UST: variants seen among roughly 807,000 people sequenced by gnomAD.
UST encodes the protein chondroitin sulfate 2-O-sulfotransferase.
A neutral mutation model predicts 45.6 loss-of-function variants in UST; 21 were observed. The observed-to-expected ratio is 0.46, with a 90% CI of 0.33 to 0.66. The LOEUF (loss-of-function observed/expected upper bound fraction) is 0.66, where lower values mean the gene tolerates loss of function less well. Ranked by LOEUF, UST falls within the 30% of genes least tolerant of loss-of-function variation. The pLI, the probability that UST is intolerant of heterozygous loss-of-function variation, is 0.02. For synonymous variants in UST, 215 were observed against 200.6 expected, an observed-to-expected ratio of 1.07 and a Z score of -0.61; for missense variants, 463 against 512.4, an observed-to-expected ratio of 0.90 and a Z score of 0.93.
intron 5 of UST, among the ~76,000 whole-genome samples, chr6:148,969,950 A>G (rs1461325128): frequency 6.6e-6 from 1 of 152,244 alleles, no homozygotes; most frequent in Non-Finnish European, 1.5e-5. Context: ...TTGGAAAGTC[A>G]TATACACGCG....
At chr6:148,800,213 T>G (rs968680199) in intron 1 of UST, among the ~76,000 whole-genome samples, 6 of 152,138 alleles carry the variant, frequency 3.9e-5, no homozygotes, top group African/African-American at 1.2e-4. Context: ...CCTCACTGGG[T>G]TTTTAAATCT....
intron 3 of UST, among the ~76,000 whole-genome samples, chr6:148,953,456 C>T (rs1030130071): frequency 2.0e-5 from 3 of 152,072 alleles, no homozygotes; most frequent in Non-Finnish European, 2.9e-5. Context: ...GCACTTATAC[C>T]GCTGGTCCAC....
At chr6:149,017,012 C>CG (rs1451406741) in intron 5 of UST, among the ~76,000 whole-genome samples, 3 of 152,348 alleles carry the variant, frequency 2.0e-5, no homozygotes, top group African/African-American at 7.2e-5. Flanking sequence ...CAAGGCAAAG[C>CG]ACAGGCACCC....
intron 7 of UST, among the ~76,000 whole-genome samples, chr6:149,023,101 GGTGTGTGTGTGTGT>G (rs61544082): frequency 0.072 from 10,352 of 143,424 alleles, 454 homozygotes; most frequent in South Asian, 0.11. Context: ...CTTGTTCTAT[GGTGTGTGTGTGTGT>G]GTGTGTGTGT....
At chr6:148,784,220 A>G (rs751375757) in intron 1 of UST, among the ~76,000 whole-genome samples, 1 of 152,218 alleles carries the variant, frequency 6.6e-6, no homozygotes, top group Non-Finnish European at 1.5e-5. Context: ...ATGAAAAAAT[A>G]TATTAAATTT....
At chr6:148,978,615 T>G (rs945280147) in intron 5 of UST, among the ~76,000 whole-genome samples, 1 of 151,626 alleles carries the variant, frequency 6.6e-6, no homozygotes, top group Non-Finnish European at 1.5e-5. Context: ...AAGTGGGAGT[T>G]GAACAATGAG....
At chr6:149,064,175 C>G (rs1306792527) in intron 7 of UST, among the ~76,000 whole-genome samples, 1 of 152,160 alleles carries the variant, frequency 6.6e-6, no homozygotes, top group Non-Finnish European at 1.5e-5. Flanking sequence ...TCTCTGCCCC[C>G]ATGGTGACAA....
chr6:149,049,028 T>C (rs182799039), intron 7 of UST, among the ~76,000 whole-genome samples: 1 of 152,272 alleles, frequency 6.6e-6, no homozygotes, highest in Admixed American at 6.5e-5. Context: ...TGTACCTTGA[T>C]TGTGGTAGTA....
At chr6:148,908,708 A>G (rs1366348724) in intron 2 of UST, among the ~76,000 whole-genome samples, 1 of 152,212 alleles carries the variant, frequency 6.6e-6, no homozygotes, top group Non-Finnish European at 1.5e-5. Context: ...AGTTATGCAG[A>G]CAACATATTT....
intron 1 of UST, among the ~76,000 whole-genome samples, chr6:148,839,205 T>G (rs946626391): frequency 6.6e-6 from 1 of 152,204 alleles, no homozygotes; most frequent in Non-Finnish European, 1.5e-5. Context: ...TAGTGCTAAG[T>G]GCCGTGTATA....
chr6:148,994,921 C>T (rs1296978475), intron 5 of UST, among the ~76,000 whole-genome samples: 1 of 152,184 alleles, frequency 6.6e-6, no homozygotes, highest in Non-Finnish European at 1.5e-5. Flanking sequence ...TGCCTGTTCA[C>T]CCCTTACCTC....
At chr6:149,012,791 CAG>C (rs144612067) in intron 5 of UST, among the ~76,000 whole-genome samples, 127 of 141,624 alleles carry the variant, frequency 9.0e-4, no homozygotes, top group African/African-American at 3.4e-3. Context: ...GTGAGTTAGC[CAG>C]AGTCACTATT....
At chr6:148,972,338 G>C (rs1489512177) in intron 5 of UST, among the ~76,000 whole-genome samples, 1 of 152,150 alleles carries the variant, frequency 6.6e-6, no homozygotes, top group Admixed American at 6.5e-5. Context: ...CAGAAGTAAG[G>C]CTCTGGGGAC....
intron 1 of UST, 58 bp downstream of exon 1, chr6:148,747,735 G>T: frequency 6.7e-7 from 1 of 1,496,940 alleles, no homozygotes; most frequent in South Asian, 1.3e-5. Flanking sequence ...GTGCGGCGGG[G>T]AGAGGGTCGC....
intron 5 of UST, among the ~76,000 whole-genome samples, chr6:149,010,792 C>A (rs1738583735): frequency 6.7e-6 from 1 of 148,272 alleles, no homozygotes; most frequent in Admixed American, 7.0e-5. Context: ...ACTCAGGAGG[C>A]TGAGGCAGGA....
chr6:148,893,148 A>G (rs1779051618), intron 2 of UST, among the ~76,000 whole-genome samples: 1 of 152,226 alleles, frequency 6.6e-6, no homozygotes, highest in African/African-American at 2.4e-5. Context: ...CTACACTTAC[A>G]TACAAAAGCA....
At chr6:148,760,754 A>T (rs1776202585) in intron 1 of UST, among the ~76,000 whole-genome samples, 1 of 152,048 alleles carries the variant, frequency 6.6e-6, no homozygotes, top group Admixed American at 6.5e-5. Flanking sequence ...AACCACAAAC[A>T]TCTCCCCAGG....
At chr6:148,950,308 G>A (rs1310307531) in intron 3 of UST, among the ~76,000 whole-genome samples, 1 of 152,146 alleles carries the variant, frequency 6.6e-6, no homozygotes, top group African/African-American at 2.4e-5. Context: ...TGAAAACCAC[G>A]ACCTCAGTTC....
At chr6:149,016,893 G>A (rs1235614018) in intron 5 of UST, among the ~76,000 whole-genome samples, 1 of 152,218 alleles carries the variant, frequency 6.6e-6, no homozygotes, top group African/African-American at 2.4e-5. Flanking sequence ...GCAGAGGGAG[G>A]CCACCAGGGT....
Sources: allele counts gnomAD v4.1 joint callset (sites outside exome capture counted in the v4.1 genomes callset), GRCh38; gene constraint gnomAD v4.1.1; transcripts MANE v1.5; gene names NCBI Gene and HGNC (gene_info 2026-07-23, HGNC 2026-07-21).